The following LRRC41 variants were observed in gnomAD, a reference collection of about 807,000 sequenced individuals.
The protein encoded by LRRC41 is leucine rich repeat containing 41.
Under a neutral mutation model 72.1 loss-of-function variants are expected in LRRC41, and 17 were observed. That is an observed-to-expected ratio of 0.24 (90% CI 0.16 to 0.35). LRRC41 has a LOEUF of 0.35. LRRC41 is among the 10% of genes least tolerant of loss of function. The pLI is 1.00. For missense variants in LRRC41, 759 were observed against 1,065.0 expected (o/e 0.71, Z 4.00); for synonymous variants, 427 against 431.0 (o/e 0.99, Z 0.11).
chr1:46,280,627 C>T, intron 5 of LRRC41, 67 bp from the exon 6 acceptor site: 1 of 1,522,944 alleles, frequency 6.6e-7, no homozygotes, highest in Non-Finnish European at 9.0e-7. Flanking sequence ...CAGGTCCCAT[C>T]CTGTTCTTAA....
At position 46,279,097 on chromosome 1, in the gene LRRC41, G is replaced by C. The variant is rs1303932159; in HGVS notation, c.2220-13C>G. 1.9e-6 allele frequency: 3 copies of C among 1,609,270 alleles called. No homozygotes were observed. The African/African-American group carries it at 4.0e-5, about 21-fold the overall frequency. ...GATGCAGTTGGAACTGGTAGGGTGA[G>C]ATGGATTAGATATCCAGGAAGCAGT... is the stretch of plus-strand genomic sequence containing the variant. On this transcript the variant is annotated splice_polypyrimidine_tract_variant and intron_variant, in intron 9 of 9. Transcript: ENST00000617190. This position sits in a 1 kb window ranked among gnomAD's most constrained non-coding sequence, Gnocchi z 4.5.
chr1:46,293,636 C>T (rs569846211), intron 3 of LRRC41, among the ~76,000 whole-genome samples: 1 of 152,292 alleles, frequency 6.6e-6, no homozygotes, highest in Non-Finnish European at 1.5e-5. Context: ...ATGGAGCGAT[C>T]TAGTCTTACT....
chr1:46,297,624 G>A lies in LRRC41; in HGVS notation c.296C>T (p.Thr99Ile). ...CCAGAGTCGGCGCCAGATGGCCTGA[G>A]TTGAGAGGCCTGTAAGGAGAAATAT... ...EETALKKGLS[T>I]QAIWRRLWDE... Residue 99 changes from threonine (T) to isoleucine (I), a missense_variant, in exon 3 of 10, where the codon ACT (threonine) becomes ATT (isoleucine). Coordinates refer to ENST00000617190, the MANE Select transcript of LRRC41 (RefSeq NM_006369.5). 6.2e-7 allele frequency: 1 copy of A among 1,613,792 alleles called. No individual in the cohort carries two copies. The highest frequency in any genetic ancestry group is 8.5e-7 in the Non-Finnish European group (1 of 1,179,640).
In LRRC41 at chr1:46,281,335, C is replaced by T; in HGVS notation, c.1546G>A (p.Gly516Ser). 6.2e-7 allele frequency: 1 copy of T among 1,614,194 alleles called. No individual in the cohort carries two copies. Among genetic ancestry groups the T allele is most frequent in the Non-Finnish European group, 8.5e-7 (1 of 1,180,014 alleles). ...GCACGGAGGCGACATCCAGCCTGGC[C>T]TGACAGGGCCCGCAGGCTGTCTAGC... is the stretch of plus-strand genomic sequence containing the variant. The part of the protein sequence containing the change: ...RLLDSLRALS[G>S]QAGCRLRALH... Residue 516 changes from glycine to serine, a missense_variant, in exon 5 of 10, where the codon GGC becomes AGC. This residue lies in a region of LRRC41 where 427 missense variants were observed against 520.9 expected (regional missense o/e 0.82). Coordinates refer to ENST00000617190, the MANE Select transcript of LRRC41 (RefSeq NM_006369.5).
At chr1:46,290,885 G>T (rs1345852599) in intron 3 of LRRC41, among the ~76,000 whole-genome samples, 2 of 149,680 alleles carry the variant, frequency 1.3e-5, no homozygotes, top group Non-Finnish European at 3.0e-5. Context: ...TGGGATTACA[G>T]GCGTAAGCCA....
chr1:46,277,682 T>G lies in LRRC41; in HGVS notation c.*1183A>C. 1 of 1,014,476 alleles carries G rather than the reference T, an allele frequency of 9.9e-7. No homozygotes were observed. The highest frequency in any genetic ancestry group is 2.4e-5 in the East Asian group (1 of 41,448). 62.8% of individuals were successfully genotyped at this position (1,014,476 alleles called of 1,614,324 possible). On this transcript the variant is annotated 3_prime_UTR_variant, in exon 10 of 10. Transcript: ENST00000617190. ...GGACCTCAGCTGAGTAGAGATAATGTTCTGGGACTCATACTTTTTATTCAT... is the reference window on the plus strand; with the variant it reads ...GGACCTCAGCTGAGTAGAGATAATGGTCTGGGACTCATACTTTTTATTCAT...
chr1:46,300,484 T>G (rs1278005386), intron 1 of LRRC41: 1 of 152,224 alleles, frequency 6.6e-6, no homozygotes, highest in Non-Finnish European at 1.5e-5. Flanking sequence ...ACGGGCTGAA[T>G]GAAAGTGTTA....
At chr1:46,291,560 T>TG in intron 3 of LRRC41, among the ~76,000 whole-genome samples, 1 of 139,658 alleles carries the variant, frequency 7.2e-6, no homozygotes, top group Non-Finnish European at 1.6e-5. Context: ...TGGTTTTTTT[T>TG]TTTTTTTTTT....
rs542510498 is a variant in LRRC41, at chr1:46,288,900, G to A, written c.358-2401C>T. On this transcript the variant is annotated intron_variant, in intron 3 of 9. Coordinates refer to ENST00000617190, the MANE Select transcript of LRRC41 (RefSeq NM_006369.5). ...TATCCTTCGGTCCTACCTCACACTA[G>A]CACTTTTCCTACAGATTTGCTGGCC... 1.1e-4 allele frequency among the ~76,000 whole-genome samples: 16 copies of A among 152,342 alleles called. 1 individual carries two copies. In the South Asian group the frequency reaches 2.9e-3, roughly 28 times the overall value.
chr1:46,301,535 T>C (rs1661223269), intron 1 of LRRC41, among the ~76,000 whole-genome samples: 1 of 151,546 alleles, frequency 6.6e-6, no homozygotes, highest in Non-Finnish European at 1.5e-5. Context: ...CCACCACCAC[T>C]ATGCAGGACA....
rs766228259 is a variant in LRRC41 at position 46,286,399 on chromosome 1, C to T, written c.458G>A (p.Arg153Gln). ...VSSDRRLCDQ[R>Q]FSPLLHSSRH... ...GGAGCTGTGCAGAAGAGGTGAGAACCGCTGATCACAAAGACGCCTGTCAGA... is the reference window on the plus strand; with the variant it reads ...GGAGCTGTGCAGAAGAGGTGAGAACTGCTGATCACAAAGACGCCTGTCAGA... Residue 153 changes from arginine to glutamine, a missense_variant, in exon 4 of 10, where the codon CGG becomes CAG. Arg to Gln is a conservative substitution (Grantham distance 43). This residue lies in a region of LRRC41 where 116 missense variants were observed against 250.9 expected (regional missense o/e 0.46). Coordinates refer to ENST00000617190, the MANE Select transcript of LRRC41 (RefSeq NM_006369.5). This position sits in a 1 kb window ranked among gnomAD's most constrained non-coding sequence, Gnocchi z 5.5. The T allele has an allele frequency of 1.9e-6, 3 of 1,614,162 alleles. No individual in the cohort carries two copies. The highest frequency in any genetic ancestry group is 3.3e-5 in the Admixed American group (2 of 60,018).
rs1270427865 is a variant in LRRC41 at position 46,286,967 on chromosome 1, C to T, written c.358-468G>A. 6.6e-6 allele frequency among the ~76,000 whole-genome samples: 1 copy of T among 152,030 alleles called. No homozygotes were observed. Among genetic ancestry groups the T allele is most frequent in the Admixed American group, 6.6e-5 (1 of 15,248 alleles). ...CAGAGAAGCTGGGATTACAGGCGCCCGCCACCACACCTGGCTAATTTTTGT... is the reference window on the plus strand; with the variant it reads ...CAGAGAAGCTGGGATTACAGGCGCCTGCCACCACACCTGGCTAATTTTTGT... On this transcript the variant is annotated intron_variant, in intron 3 of 9. Coordinates refer to ENST00000617190, the MANE Select transcript of LRRC41 (RefSeq NM_006369.5). The surrounding 1 kb of genome is among the most constrained non-coding windows in gnomAD (Gnocchi z 5.5).
At chr1:46,280,770 C>T (rs1340912082) in intron 5 of LRRC41, among the ~76,000 whole-genome samples, 4 of 152,120 alleles carry the variant, frequency 2.6e-5, no homozygotes, top group Non-Finnish European at 5.9e-5. Context: ...AATTTTAGAC[C>T]AGGAAGACAG....
rs183053221 is a variant in LRRC41 at position 46,280,994 on chromosome 1, G to A, written c.1756+131C>T. On this transcript the variant is annotated intron_variant, in intron 5 of 9. Transcript: ENST00000617190. Reference sequence around the variant, plus strand: ...ATCTTAGTGGTAGGCTCTAAAGGGGGGATAGGTTCCAGATAAGCCAGGAAT... The same window carrying A: ...ATCTTAGTGGTAGGCTCTAAAGGGGAGATAGGTTCCAGATAAGCCAGGAAT... 231 of 1,271,206 alleles carry A rather than the reference G, an allele frequency of 1.8e-4. No homozygotes were observed. The East Asian group carries it at 2.1e-3, about 11-fold the overall frequency. The allele number at this position is 1,271,206 out of a possible 1,614,324, so 78.7% of individuals were successfully genotyped here.
At chr1:46,280,361 ACTC>A in intron 6 of LRRC41, 32 bp downstream of exon 6, 1 of 1,613,518 alleles carries the variant, frequency 6.2e-7, no homozygotes, top group Non-Finnish European at 8.5e-7. Flanking sequence ...GTCCCCACCT[ACTC>A]CTCTCCCTTC....
intron 1 of LRRC41, chr1:46,299,090 A>T (rs1183620182): frequency 6.6e-6 from 1 of 152,280 alleles, no homozygotes; most frequent in African/African-American, 2.4e-5. Context: ...TATCTTAAAA[A>T]CAAAACCTGC....
chr1:46,299,380 A>C (rs1175110436), intron 1 of LRRC41: 1 of 152,240 alleles, frequency 6.6e-6, no homozygotes, highest in Non-Finnish European at 1.5e-5. Flanking sequence ...ACACCACTGT[A>C]CTTGAGCCCA....
At chr1:46,296,393 GACA>G (rs1456644060) in intron 3 of LRRC41, among the ~76,000 whole-genome samples, 1 of 152,168 alleles carries the variant, frequency 6.6e-6, no homozygotes, top group East Asian at 1.9e-4. Flanking sequence ...CTCCGGCGTG[GACA>G]ACAAGGGCAA....
chr1:46,282,323 A>G (rs1427606508), intron 4 of LRRC41, among the ~76,000 whole-genome samples: 2 of 152,212 alleles, frequency 1.3e-5, no homozygotes, highest in Non-Finnish European at 2.9e-5. Context: ...AAAGATAACC[A>G]AATCCCACAG....
Sources: allele counts gnomAD v4.1 joint callset (sites outside exome capture counted in the v4.1 genomes callset), GRCh38; gene constraint gnomAD v4.1.1; regional missense constraint gnomAD v4.1.1; non-coding constraint Gnocchi (gnomAD v3.1); transcripts MANE v1.5; gene names NCBI Gene and HGNC (gene_info 2026-07-23, HGNC 2026-07-21).